The following MYH6 variants were observed in gnomAD, a reference collection of about 807,000 sequenced individuals.
MYH6 encodes the protein myosin heavy chain 6.
A neutral mutation model predicts 223.2 loss-of-function variants in MYH6; 126 were observed. The ratio of observed to expected loss-of-function variants is 0.56; its 90% CI spans 0.49 to 0.65. MYH6 has a LOEUF of 0.65. Ranked by LOEUF, MYH6 falls within the 30% of genes least tolerant of loss-of-function variation. The pLI is 0.00. For missense variants in MYH6, 2,040 were observed against 2,536.4 expected (o/e 0.80, Z 4.20); for synonymous variants, 978 against 1,010.2 (o/e 0.97, Z 0.61).
In MYH6 at chr14:23,400,987, A is replaced by G. The variant is rs771525863; in HGVS notation, c.1142-10T>C. On this transcript the variant is annotated splice_polypyrimidine_tract_variant and intron_variant, in intron 12 of 38. Coordinates refer to ENST00000405093, the MANE Select transcript of MYH6 (RefSeq NM_002471.4). The stretch of plus-strand genomic sequence containing the variant: ...GCCGACTTGTCAGCATCTGGTTGAG[A>G]GGGAAAGGATAAGTGAGCACTTCCT... 3.7e-6 allele frequency: 6 copies of G among 1,613,400 alleles called. No individual in the cohort carries two copies. The East Asian group carries it at 1.3e-4, about 36-fold the overall frequency.
In MYH6 at chr14:23,399,036, G is replaced by A; in HGVS notation, c.1583C>T (p.Pro528Leu). The change falls in exon 15 of 39, where the codon CCC becomes CTC. Residue 528 changes from proline to leucine, a missense_variant and splice_region_variant. This residue lies in a region of MYH6 where 649 missense variants were observed against 877.3 expected (regional missense o/e 0.74). Transcript: ENST00000405093. ...LQACIDLIEKPMGIMSILEEE... is the reference protein window; with the variant it reads ...LQACIDLIEKLMGIMSILEEE... ...CTCCAGGATGGACATGATGCCCATG[G>A]GCTGAGGGCAGGGTGAAGAGGCAAA... 1 of 1,614,090 alleles carries A rather than the reference G, an allele frequency of 6.2e-7. No individual in the cohort carries two copies. Among genetic ancestry groups the A allele is most frequent in the Non-Finnish European group, 8.5e-7 (1 of 1,179,994 alleles).
rs200260229 is a variant in MYH6, at chr14:23,384,530, C to A, written c.5477G>T (p.Gly1826Val). ...KLEARVRELE[G>V]ELEAEQKRNA... ...GCGCTTCTGCTCGGCCTCCAGCTCA[C>A]CCTCCAGCTCCCGCACCCGCGCTTC... Residue 1826 changes from glycine (G) to valine (V), a missense_variant, in exon 36 of 39, where the codon GGT becomes GTT. Around this residue, in one of 4 missense-constraint regions of MYH6, gnomAD observed 1,203 missense variants for 1,400.2 expected, o/e 0.86. Coordinates refer to ENST00000405093, the MANE Select transcript of MYH6 (RefSeq NM_002471.4). 3 of 1,613,428 alleles carry A rather than the reference C, an allele frequency of 1.9e-6. No individual in the cohort carries two copies. In the African/African-American group the frequency reaches 4.0e-5, roughly 21 times the overall value.
chr14:23,402,766 G>A lies in MYH6; in HGVS notation c.933C>T (p.Tyr311=), dbSNP rs371728824. The A allele has an allele frequency of 6.2e-6, 10 of 1,613,286 alleles. No homozygotes were observed. Among genetic ancestry groups the A allele is most frequent in the Admixed American group, 3.3e-5 (2 of 59,934 alleles). Residue 311 remains tyrosine, a synonymous_variant, in exon 11 of 39, where the codon TAC becomes TAT. Transcript: ENST00000405093. ...MLLVTNNPYD[Y]AFVSQGEVSV... ...ACACCTCTCCCTGAGACACGAAGGC[G>A]TAGTCGTAGGGATTGTTGGTGACCA...
At chr14:23,384,328 T>G (rs1363990023) in intron 36 of MYH6, 114 bp downstream of exon 36, 10 of 1,532,206 alleles carry the variant, frequency 6.5e-6, no homozygotes, top group Non-Finnish European at 8.9e-6. Flanking sequence ...AGAAGAACGT[T>G]AAATCTACCA....
chr14:23,383,341 G>GGGGGGGGGGCCCCCCCCCCCC, intron 36 of MYH6, 21 bp from the exon 37 acceptor site: 1 of 556,578 alleles, frequency 1.8e-6, no homozygotes, highest in Non-Finnish European at 3.3e-6. Flanking sequence ...GAGGGTGGGA[G>GGGGGGGGGGCCCCCCCCCCCC]AAGCTGGTTT....
At chr14:23,385,646 T>A (rs1890996654) in intron 34 of MYH6, among the ~76,000 whole-genome samples, 1 of 152,118 alleles carries the variant, frequency 6.6e-6, no homozygotes, top group East Asian at 1.9e-4. Context: ...AGCCGGAGGC[T>A]GTCTTTCAGA....
intron 8 of MYH6, 82 bp downstream of exon 8, chr14:23,404,214 A>T (rs961134690): frequency 1.2e-5 from 18 of 1,479,484 alleles, no homozygotes; most frequent in Non-Finnish European, 1.6e-5. Flanking sequence ...ATACAGTACA[A>T]TCAACTGGGT....
chr14:23,402,601 C>T lies in MYH6; in HGVS notation c.1004G>A (p.Ser335Asn). 6.2e-7 allele frequency: 1 copy of T among 1,613,882 alleles called. No individual in the cohort carries two copies. Among genetic ancestry groups the T allele is most frequent in the Non-Finnish European group, 8.5e-7 (1 of 1,179,986 alleles). ...DDSEELMATD[S>N]AFDVLGFTSE... ...AGTGAAGCCCAGCACGTCAAAGGCA[C>T]TCTGGGACAGAGCGAGAGACAAAGA... is the stretch of plus-strand genomic sequence containing the variant. Residue 335 changes from serine to asparagine, a missense_variant and splice_region_variant, in exon 12 of 39, where the codon AGT (serine) becomes AAT (asparagine). This residue lies in a region of MYH6 where 649 missense variants were observed against 877.3 expected (regional missense o/e 0.74). Coordinates refer to ENST00000405093, the MANE Select transcript of MYH6 (RefSeq NM_002471.4).
intron 15 of MYH6, among the ~76,000 whole-genome samples, chr14:23,398,315 C>T (rs1247229559): frequency 6.6e-6 from 1 of 152,158 alleles, no homozygotes; most frequent in African/African-American, 2.4e-5. Flanking sequence ...CGTGCCCAAC[C>T]TCTACTTTTC....
chr14:23,407,358 T>G lies in MYH6; in HGVS notation c.-13-122A>C. On this transcript the variant is annotated intron_variant, in intron 2 of 38. Transcript: ENST00000405093. This position sits in a 1 kb window ranked among gnomAD's most constrained non-coding sequence, Gnocchi z 5.6. Reference sequence around the variant, plus strand: ...TCTCCTCCACCCTGGGAGAGGCACCTGCTGTTGCACCCTCCCCTACTCAGG... The same window carrying G: ...TCTCCTCCACCCTGGGAGAGGCACCGGCTGTTGCACCCTCCCCTACTCAGG... 1 of 1,222,922 alleles carries G rather than the reference T, an allele frequency of 8.2e-7. No individual in the cohort carries two copies. The highest frequency in any genetic ancestry group is 1.2e-6 in the Non-Finnish European group (1 of 858,258). 75.8% of individuals were successfully genotyped at this position (1,222,922 alleles called of 1,614,324 possible). A position where few individuals can be genotyped will look rare whatever the true frequency, so the allele number is the denominator to read the frequency against.
In MYH6 at chr14:23,384,967, T is replaced by C; in HGVS notation, c.5238A>G (p.Ala1746=). The change falls in exon 35 of 39, where the codon GCA becomes GCG. Residue 1746 remains alanine, a synonymous_variant. Coordinates refer to ENST00000405093, the MANE Select transcript of MYH6 (RefSeq NM_002471.4). ...CCTCGGCGTTTCTGCACTCCTGCAC[T>C]GCCTCCTCCACTTCCGACTGGAGCT... is the stretch of plus-strand genomic sequence containing the variant. ...LTQLQSEVEE[A]VQECRNAEEK... is the part of the protein sequence containing the mutation. 1 of 1,614,270 alleles carries C rather than the reference T, an allele frequency of 6.2e-7. No homozygotes were observed. Among genetic ancestry groups the C allele is most frequent in the Non-Finnish European group, 8.5e-7 (1 of 1,180,042 alleles).
At position 23,407,422 on chromosome 14, in the gene MYH6, C is replaced by A. The variant is rs1891824933; in HGVS notation, c.-14+154G>T. 6.6e-6 allele frequency among the ~76,000 whole-genome samples: 1 copy of A among 152,234 alleles called. No homozygotes were observed. The highest frequency in any genetic ancestry group is 6.5e-5 in the Admixed American group (1 of 15,284). ...TGCCCTCTGAGGTGATGCTGAAGGA[C>A]AATCTCTGTAAGGGGTTTCCCTGGG... On this transcript the variant is annotated intron_variant, in intron 2 of 38. Transcript: ENST00000405093. The surrounding 1 kb of genome is among the most constrained non-coding windows in gnomAD (Gnocchi z 5.6).
chr14:23,402,641 G>A (rs899751940), intron 11 of MYH6, 39 bp from the exon 12 acceptor site: 35 of 1,613,590 alleles, frequency 2.2e-5, no homozygotes, highest in Non-Finnish European at 3.0e-5. Flanking sequence ...GGTTGGAGCG[G>A]TGGCCCCAGG....
chr14:23,386,359 C>A lies in MYH6; in HGVS notation c.4915G>T (p.Ala1639Ser), dbSNP rs757613880. 6.2e-7 allele frequency: 1 copy of A among 1,614,042 alleles called. No individual in the cohort carries two copies. Among genetic ancestry groups the A allele is most frequent in the African/African-American group, 1.3e-5 (1 of 74,930 alleles). The change falls in exon 33 of 39, where the codon GCC becomes TCC. Residue 1639 changes from alanine to serine, a missense_variant. Ala to Ser is a moderately conservative substitution (Grantham distance 99). This residue lies in a region of MYH6 where 1,203 missense variants were observed against 1,400.2 expected (regional missense o/e 0.86). Transcript: ENST00000405093. ...IQLSHANRMA[A>S]EAQKQVKSLQ... ...CTCTTGACTTGCTTCTGGGCCTCGG[C>A]AGCCATGCGGTTGGCGTGGCTGAGC...
At position 23,401,019 on chromosome 14, in the gene MYH6, T is replaced by A. The variant is rs764270214; in HGVS notation, c.1142-42A>T. 18 of 1,601,044 alleles carry A rather than the reference T, an allele frequency of 1.1e-5. No homozygotes were observed. The South Asian group carries it at 1.7e-4, about 15-fold the overall frequency. On this transcript the variant is annotated intron_variant, in intron 12 of 38. Transcript: ENST00000405093. ...GGATAAGTGAGCACTTCCTTTTTTT[T>A]TTTTTAAGATAGAGGCTTGCTCTGT...
chr14:23,385,778 T>C (rs532995073), intron 34 of MYH6, 150 bp downstream of exon 34: 11 of 1,132,124 alleles, frequency 9.7e-6, no homozygotes, highest in Admixed American at 3.9e-5. Flanking sequence ...AATATAATGG[T>C]TCTGCAGCCA....
chr14:23,389,763 G>A (rs1471914995), intron 26 of MYH6, 44 bp from the exon 27 acceptor site: 4 of 1,613,962 alleles, frequency 2.5e-6, no homozygotes, highest in Non-Finnish European at 3.4e-6. Flanking sequence ...GAGGGGCTGA[G>A]TCGACCAGAG....
At position 23,405,068 on chromosome 14, in the gene MYH6, G is replaced by T. The variant is rs997814059; in HGVS notation, c.530+32C>A. 4.3e-6 allele frequency: 7 copies of T among 1,614,052 alleles called. No homozygotes were observed. Among genetic ancestry groups the T allele is most frequent in the Non-Finnish European group, 5.9e-6 (7 of 1,179,990 alleles). On this transcript the variant is annotated intron_variant, in intron 6 of 38. Transcript: ENST00000405093. This position sits in a 1 kb window ranked among gnomAD's most constrained non-coding sequence, Gnocchi z 4.7. ...CATCAGCGTGTATGCCCCCAGCCCA[G>T]TCCCTTCTGTGGGAGGATGGCACTC...
At chr14:23,404,268 G>T (rs760894225) in intron 8 of MYH6, 28 bp downstream of exon 8, 1 of 1,610,836 alleles carries the variant, frequency 6.2e-7, no homozygotes, top group African/African-American at 1.3e-5. Flanking sequence ...GCTGGATGAG[G>T]CCACTGGGAG....
Sources: allele counts gnomAD v4.1 joint callset (sites outside exome capture counted in the v4.1 genomes callset), GRCh38; gene constraint gnomAD v4.1.1; regional missense constraint gnomAD v4.1.1; non-coding constraint Gnocchi (gnomAD v3.1); transcripts MANE v1.5; gene names NCBI Gene and HGNC (gene_info 2026-07-23, HGNC 2026-07-21).